The following CHD6 variants were observed in gnomAD, a reference collection of about 807,000 sequenced individuals.
CHD6 encodes chromodomain helicase DNA binding protein 6, also known as ATP-dependent chromatin remodeler CHD6.
In CHD6, 50 loss-of-function variants were observed where a neutral mutation model predicts 276.9. The ratio of observed to expected loss-of-function variants is 0.18; its 90% CI spans 0.14 to 0.23. The LOEUF (loss-of-function observed/expected upper bound fraction) is 0.23, where lower values mean the gene tolerates loss of function less well. Ranked by LOEUF, CHD6 falls within the 10% of genes least tolerant of loss-of-function variation. The pLI is 1.00. For missense variants in CHD6, 2,564 were observed against 3,365.8 expected (o/e 0.76, Z 5.89); for synonymous variants, 1,173 against 1,229.3 (o/e 0.95, Z 0.96).
At chr20:41,477,452 A>G (rs1274331093) in intron 16 of CHD6, among the ~76,000 whole-genome samples, 4 of 152,190 alleles carry the variant, frequency 2.6e-5, no homozygotes, top group African/African-American at 9.7e-5. Flanking sequence ...ATTTGGAAAT[A>G]AATGAAAATA....
rs1384490748 is a variant in CHD6 at position 41,425,250 on chromosome 20, C to T, written c.4274G>A (p.Gly1425Glu). 3 of 1,614,062 alleles carry T rather than the reference C, an allele frequency of 1.9e-6. No homozygotes were observed. The highest frequency in any genetic ancestry group is 2.5e-6 in the Non-Finnish European group (3 of 1,180,044). The change falls in exon 29 of 37, where the codon GGA becomes GAA. Residue 1425 changes from glycine (G) to glutamate (E), a missense_variant. Coordinates refer to ENST00000373233, the MANE Select transcript of CHD6 (RefSeq NM_032221.5). ...GAACATCTCTTCCTGAACCCAATAT[C>T]CTTGGTTACCTGGTCCCAGAATTTC... is the stretch of plus-strand genomic sequence containing the variant. Reference protein sequence around the residue: ...RPEILGPGNQGYWVQEEMFRR... With the variant: ...RPEILGPGNQEYWVQEEMFRR...
chr20:41,582,040 AAC>A (rs981429568), intron 1 of CHD6, among the ~76,000 whole-genome samples: 3 of 152,240 alleles, frequency 2.0e-5, no homozygotes, highest in East Asian at 3.8e-4. Flanking sequence ...TGACTGTGGA[AAC>A]ACAGAGACAA....
At chr20:41,405,526 C>T (rs765422490) in intron 36 of CHD6, 37 bp from the exon 37 acceptor site, 1 of 1,491,800 alleles carries the variant, frequency 6.7e-7, no homozygotes, top group South Asian at 1.3e-5. Context: ...CTGAAGGCAA[C>T]AGGATGGCAG....
intron 5 of CHD6, among the ~76,000 whole-genome samples, chr20:41,504,403 C>CTTTTTTTTTTTT (rs200549678): frequency 5.5e-5 from 6 of 109,970 alleles, no homozygotes; most frequent in Admixed American, 9.8e-5. Context: ...CCTCTATTTT[C>CTTTTTTTTTTTT]TTTTTTTTTT....
chr20:41,606,585 GA>G (rs2045831321), intron 1 of CHD6, among the ~76,000 whole-genome samples: 2 of 151,386 alleles, frequency 1.3e-5, no homozygotes, highest in South Asian at 4.2e-4. Flanking sequence ...TGAGGCAGGA[GA>G]ATCACTTGAA....
chr20:41,493,581 T>C lies in CHD6; in HGVS notation c.1271A>G (p.Lys424Arg), dbSNP rs374043976. ...LEEDVDPAKV[K>R]EFESLQVLPE... ...GAGAACTTGAAGAGATTCAAATTCTTTAACTTTTGCAGGATCTACATCTTC... is the reference window on the plus strand; with the variant it reads ...GAGAACTTGAAGAGATTCAAATTCTCTAACTTTTGCAGGATCTACATCTTC... Residue 424 changes from lysine to arginine, a missense_variant, in exon 10 of 37, where the codon AAA (lysine) becomes AGA (arginine). This residue lies in a region of CHD6 where 457 missense variants were observed against 889.0 expected (regional missense o/e 0.51). Coordinates refer to ENST00000373233, the MANE Select transcript of CHD6 (RefSeq NM_032221.5). The C allele has an allele frequency of 4.3e-6, 7 of 1,613,920 alleles. No homozygotes were observed. The highest frequency in any genetic ancestry group is 5.1e-6 in the Non-Finnish European group (6 of 1,179,858).
intron 1 of CHD6, among the ~76,000 whole-genome samples, chr20:41,573,409 C>A (rs550806474): frequency 3.9e-5 from 6 of 152,180 alleles, no homozygotes; most frequent in South Asian, 2.1e-4. Flanking sequence ...TTTTATGCAA[C>A]CTAAATTCTC....
chr20:41,488,661 A>G lies in CHD6; in HGVS notation c.1681-57T>C, dbSNP rs572294700. On this transcript the variant is annotated intron_variant, in intron 12 of 36. Coordinates refer to ENST00000373233, the MANE Select transcript of CHD6 (RefSeq NM_032221.5). ...ACACCATGGCTATAGAATTCTGCTA[A>G]TATCTGCTGGACTACAGGAGGCAGC... 44 of 1,510,108 alleles carry G rather than the reference A, an allele frequency of 2.9e-5. 1 individual carries two copies. The South Asian group carries it at 4.9e-4, about 17-fold the overall frequency. The allele number at this position is 1,510,108 out of a possible 1,614,324, so 93.5% of individuals were successfully genotyped here.
At chr20:41,567,429 C>T (rs927588352) in intron 1 of CHD6, among the ~76,000 whole-genome samples, 1 of 152,038 alleles carries the variant, frequency 6.6e-6, no homozygotes, top group Non-Finnish European at 1.5e-5. Flanking sequence ...AAAGGGAGAC[C>T]ACCACCCTGG....
chr20:41,526,582 CA>C (rs1264024167), intron 3 of CHD6, among the ~76,000 whole-genome samples: 1 of 151,754 alleles, frequency 6.6e-6, no homozygotes, highest in Non-Finnish European at 1.5e-5. Context: ...TGGGGTTTAA[CA>C]CTTCGCAGAA....
chr20:41,432,531 G>T (rs2047577355), intron 27 of CHD6, among the ~76,000 whole-genome samples: 1 of 152,148 alleles, frequency 6.6e-6, no homozygotes, highest in African/African-American at 2.4e-5. Flanking sequence ...CCCCTTTAGG[G>T]GTTAATGGGA....
At chr20:41,559,178 A>ACACACACACACACACAC (rs1568701886) in intron 1 of CHD6, among the ~76,000 whole-genome samples, 1 of 150,636 alleles carries the variant, frequency 6.6e-6, no homozygotes, top group African/African-American at 2.5e-5. Flanking sequence ...ACACACACAC[A>ACACACACACACACACAC]AAGTAAACTT....
intron 26 of CHD6, 44 bp from the exon 27 acceptor site, chr20:41,437,378 C>T: frequency 7.1e-7 from 1 of 1,412,714 alleles, no homozygotes; most frequent in Non-Finnish European, 9.9e-7. Context: ...CCTAGGTCCC[C>T]CTTATCCACA....
intron 1 of CHD6, among the ~76,000 whole-genome samples, chr20:41,604,546 T>G (rs1444869630): frequency 6.6e-6 from 1 of 152,236 alleles, no homozygotes; most frequent in Non-Finnish European, 1.5e-5. Flanking sequence ...TCATTAATAC[T>G]ATCACAATTT....
At chr20:41,437,585 G>C (rs1002948485) in intron 26 of CHD6, among the ~76,000 whole-genome samples, 11 of 152,186 alleles carry the variant, frequency 7.2e-5, no homozygotes, top group Admixed American at 6.5e-4. Flanking sequence ...TTATATAGGA[G>C]AAAATACAGT....
intron 15 of CHD6, 40 bp from the exon 16 acceptor site, chr20:41,483,559 A>G (rs1600976243): frequency 2.8e-6 from 4 of 1,445,680 alleles, no homozygotes; most frequent in East Asian, 4.7e-5. Context: ...CGGACAGAAT[A>G]TAAGGATAAA....
intron 31 of CHD6, among the ~76,000 whole-genome samples, chr20:41,418,651 T>G (rs553610277): frequency 1.3e-5 from 2 of 152,212 alleles, no homozygotes; most frequent in South Asian, 2.1e-4. Context: ...CCAGGAGACC[T>G]GGGGGCTGGC....
intron 15 of CHD6, 117 bp from the exon 16 acceptor site, chr20:41,483,636 C>T (rs1317957902): frequency 1.1e-5 from 8 of 727,944 alleles, no homozygotes; most frequent in Non-Finnish European, 1.8e-5. Flanking sequence ...ACCAGCAGTC[C>T]AGTGAGGAGA....
At position 41,405,140 on chromosome 20, in the gene CHD6, A is replaced by G. The variant is rs748604690; in HGVS notation, c.7601T>C (p.Val2534Ala). The G allele has an allele frequency of 6.2e-7, 1 of 1,614,232 alleles. No individual in the cohort carries two copies. Among genetic ancestry groups the G allele is most frequent in the East Asian group, 2.2e-5 (1 of 44,880 alleles). Residue 2534 changes from valine to alanine, a missense_variant, in exon 37 of 37, where the codon GTT (valine) becomes GCT (alanine). By Grantham distance (64) the Val-to-Ala change is moderately conservative. Coordinates refer to ENST00000373233, the MANE Select transcript of CHD6 (RefSeq NM_032221.5). Reference protein sequence around the residue: ...GMAAVPQMFGVGGLLSPPMAT... With the variant: ...GMAAVPQMFGAGGLLSPPMAT... ...CATGGGTGGACTGAGGAGTCCCCCAACACCAAACATCTGGGGCACAGCAGC... is the reference window on the plus strand; with the variant it reads ...CATGGGTGGACTGAGGAGTCCCCCAGCACCAAACATCTGGGGCACAGCAGC...
Sources: allele counts gnomAD v4.1 joint callset (sites outside exome capture counted in the v4.1 genomes callset), GRCh38; gene constraint gnomAD v4.1.1; regional missense constraint gnomAD v4.1.1; transcripts MANE v1.5; gene names NCBI Gene and HGNC (gene_info 2026-07-23, HGNC 2026-07-21).